The following WWOX variants were observed in gnomAD, a reference collection of about 807,000 sequenced individuals.
WWOX encodes the protein WW domain containing oxidoreductase, also known as WW domain-containing oxidoreductase.
A neutral mutation model predicts 46.2 loss-of-function variants in WWOX; 69 were observed. The observed-to-expected ratio is 1.49, with a 90% CI of 1.23 to 1.82. The LOEUF (loss-of-function observed/expected upper bound fraction) is 1.82. Ranked by LOEUF, WWOX falls within the 40% of genes most tolerant of loss-of-function variation. The pLI, the probability that WWOX is intolerant of heterozygous loss-of-function variation, is 0.00. For missense variants in WWOX, 919 were observed against 542.6 expected, an observed-to-expected ratio of 1.69 and a Z score of -6.89; for synonymous variants, 359 against 202.6, an observed-to-expected ratio of 1.77 and a Z score of -6.56.
intron 8 of WWOX, among the ~76,000 whole-genome samples, chr16:78,616,370 C>A (rs572769885): frequency 1.3e-5 from 2 of 152,118 alleles, no homozygotes; most frequent in Non-Finnish European, 2.9e-5. Flanking sequence ...AAGGCACTGG[C>A]AGATTCAGTG....
intron 8 of WWOX, among the ~76,000 whole-genome samples, chr16:78,856,989 G>T (rs187179521): frequency 2.0e-5 from 3 of 152,278 alleles, no homozygotes; most frequent in African/African-American, 7.2e-5. Context: ...AATACTGTAG[G>T]CAATTTTAAT....
intron 5 of WWOX, among the ~76,000 whole-genome samples, chr16:78,379,694 G>A (rs999353375): frequency 6.6e-6 from 1 of 152,160 alleles, no homozygotes; most frequent in African/African-American, 2.4e-5. Flanking sequence ...GTTCACTATG[G>A]CGAGAAATGG....
intron 8 of WWOX, among the ~76,000 whole-genome samples, chr16:78,822,680 T>C (rs1447719251): frequency 6.6e-6 from 1 of 152,168 alleles, no homozygotes; most frequent in Non-Finnish European, 1.5e-5. Flanking sequence ...GAGAGTTACA[T>C]TGCTGGGTGA....
chr16:79,000,647 C>T (rs376392381), intron 8 of WWOX, among the ~76,000 whole-genome samples: 4 of 152,188 alleles, frequency 2.6e-5, no homozygotes, highest in African/African-American at 9.6e-5. Flanking sequence ...AGGCACGAAG[C>T]CCTGCTGACC....
intron 8 of WWOX, among the ~76,000 whole-genome samples, chr16:78,616,201 C>G (rs1389614959): frequency 1.3e-5 from 2 of 150,974 alleles, no homozygotes; most frequent in Non-Finnish European, 2.9e-5. Flanking sequence ...GCCACACAAG[C>G]ACACACACAC....
intron 8 of WWOX, among the ~76,000 whole-genome samples, chr16:78,457,921 A>AAAAAAAAAG: frequency 6.7e-6 from 1 of 150,102 alleles, no homozygotes; most frequent in Non-Finnish European, 1.5e-5. Context: ...AAAAAAAAAA[A>AAAAAAAAAG]AAAAAAATTA....
At chr16:79,013,807 A>G (rs2047360047) in intron 8 of WWOX, among the ~76,000 whole-genome samples, 1 of 152,130 alleles carries the variant, frequency 6.6e-6, no homozygotes, top group Admixed American at 6.5e-5. Context: ...ATTGCCTCCT[A>G]CATGGGGAAG....
chr16:78,471,414 A>T (rs1462796453), intron 8 of WWOX, among the ~76,000 whole-genome samples: 1 of 152,220 alleles, frequency 6.6e-6, no homozygotes, highest in Admixed American at 6.5e-5. Context: ...TTTGCTTCAA[A>T]TGGGGAACAG....
rs1567482731 is a variant in WWOX at position 79,011,507 on chromosome 16, T to TTTA, written c.1057-200099_1057-200098insATT. 3.3e-3 allele frequency among the ~76,000 whole-genome samples: 380 copies of TTTA among 114,666 alleles called. 3 individuals carry two copies. Among genetic ancestry groups the TTTA allele is most frequent in the Middle Eastern group, 8.8e-3 (2 of 226 alleles). 75.2% of individuals were successfully genotyped at this position (114,666 alleles called of 152,430 possible). On this transcript the variant is annotated intron_variant, in intron 8 of 8. Transcript: ENST00000566780. ...TATTTATTTATTTATTTATTTATTT[T>TTTA]TTGAGACAGGGTCTTAATCTGTCCC...
At chr16:79,048,979 C>T (rs1264446519) in intron 8 of WWOX, among the ~76,000 whole-genome samples, 1 of 152,160 alleles carries the variant, frequency 6.6e-6, no homozygotes, top group South Asian at 2.1e-4. Flanking sequence ...TTCCTCTATT[C>T]CCTGGACAAA....
chr16:78,130,021 T>A (rs1216526640), intron 4 of WWOX: 4 of 152,170 alleles, frequency 2.6e-5, no homozygotes, highest in Admixed American at 6.5e-5. Flanking sequence ...CTGATGGTTT[T>A]ATAAGGGGCT....
chr16:78,402,623 A>G (rs1268825881), intron 6 of WWOX, among the ~76,000 whole-genome samples: 2 of 152,136 alleles, frequency 1.3e-5, no homozygotes, highest in Non-Finnish European at 2.9e-5. Flanking sequence ...GTATTGGTAC[A>G]ATCAGTCAGG....
intron 8 of WWOX, among the ~76,000 whole-genome samples, chr16:78,804,067 C>G (rs568500452): frequency 6.6e-6 from 1 of 152,268 alleles, no homozygotes; most frequent in East Asian, 1.9e-4. Context: ...TGACTTCCCT[C>G]TCCTTCATTC....
chr16:78,452,271 C>G (rs889621124), intron 8 of WWOX, among the ~76,000 whole-genome samples: 2 of 152,112 alleles, frequency 1.3e-5, no homozygotes, highest in Non-Finnish European at 2.9e-5. Context: ...TATTTGAGAA[C>G]CATCCTGTCT....
intron 4 of WWOX, among the ~76,000 whole-genome samples, chr16:78,163,082 T>C (rs868206132): frequency 1.3e-5 from 2 of 152,240 alleles, no homozygotes; most frequent in African/African-American, 4.8e-5. Context: ...CTCCTGTGCA[T>C]TTATTTCCAT....
intron 8 of WWOX, among the ~76,000 whole-genome samples, chr16:78,777,425 T>A (rs1260928682): frequency 6.6e-6 from 1 of 152,156 alleles, no homozygotes; most frequent in Non-Finnish European, 1.5e-5. Flanking sequence ...TTTAAATAAT[T>A]TAAGTAGCTG....
Position 78,933,390 on chromosome 16 carries a change from G to T in WWOX, c.1057-278218G>T, listed in dbSNP as rs60140342. 3.3e-5 allele frequency among the ~76,000 whole-genome samples: 5 copies of T among 152,354 alleles called. No homozygotes were observed. In the East Asian group the frequency reaches 9.7e-4, roughly 29 times the overall value. On this transcript the variant is annotated intron_variant, in intron 8 of 8. Transcript: ENST00000566780. The stretch of plus-strand genomic sequence containing the variant: ...GGAGGCTGAGGTTATGTTGAGCCAA[G>T]ATTGTGCCACTGTACTCTGGCCTGG...
intron 8 of WWOX, among the ~76,000 whole-genome samples, chr16:78,728,055 CTTTTTTTTTTTTTT>C (rs758484198): frequency 3.5e-5 from 3 of 86,806 alleles, no homozygotes; most frequent in Non-Finnish European, 6.4e-5. Flanking sequence ...TCCCTCCTTC[CTTTTTTTTTTTTTT>C]TTTTTTTTTT....
chr16:79,076,016 C>A (rs1160574525), intron 8 of WWOX, among the ~76,000 whole-genome samples: 1 of 151,964 alleles, frequency 6.6e-6, no homozygotes, highest in Non-Finnish European at 1.5e-5. Context: ...GGGTTTTTTT[C>A]TTCTTACAGT....
Sources: gnomAD v4.1 joint callset for allele counts (sites outside exome capture counted in the v4.1 genomes callset) on GRCh38, gnomAD v4.1.1 for gene constraint, MANE v1.5 for transcripts, NCBI Gene and HGNC (gene_info 2026-07-23, HGNC 2026-07-21) for gene names.